The following CALB2 variants were observed in gnomAD, a reference collection of about 807,000 sequenced individuals.
CALB2 encodes the protein calretinin.
A neutral mutation model predicts 45.9 loss-of-function variants in CALB2; 34 were observed. The observed-to-expected ratio is 0.74, with a 90% CI of 0.56 to 0.99. The LOEUF (loss-of-function observed/expected upper bound fraction) is 0.99, where lower values mean the gene tolerates loss of function less well. Among genes scored for constraint, CALB2 ranks in the 50% least tolerant of loss-of-function variants. The pLI, the probability that CALB2 is intolerant of heterozygous loss-of-function variation, is 0.00. For synonymous variants in CALB2, 142 were observed against 129.6 expected (o/e 1.10, Z -0.65); for missense variants, 344 against 339.3 (o/e 1.01, Z -0.11).
intron 4 of CALB2, 112 bp downstream of exon 4, chr16:71,377,859 C>G (rs1004849664): frequency 1.4e-6 from 1 of 692,200 alleles, no homozygotes; most frequent in African/African-American, 1.8e-5. Flanking sequence ...TGCTAAACCC[C>G]TTAGAGCTCT....
At chr16:71,365,631 C>G (rs1598159713) in intron 1 of CALB2, among the ~76,000 whole-genome samples, 1 of 152,132 alleles carries the variant, frequency 6.6e-6, no homozygotes, top group South Asian at 2.1e-4. Flanking sequence ...CAAGGTGGGC[C>G]TGGGATTCTG....
chr16:71,388,024 C>T (rs1274439771), intron 10 of CALB2, among the ~76,000 whole-genome samples: 1 of 152,108 alleles, frequency 6.6e-6, no homozygotes, highest in Non-Finnish European at 1.5e-5. Context: ...CTTCAGGGCT[C>T]ATGCTTGGAT....
rs757387858 is a variant in CALB2, at chr16:71,389,923, G to C, written c.*58G>C. Reference sequence around the variant, plus strand: ...CAAACCCTGCTTCTGCTGCCCTGATGCGTCTACCCAGACTCAGAGACCGTG... The same window carrying C: ...CAAACCCTGCTTCTGCTGCCCTGATCCGTCTACCCAGACTCAGAGACCGTG... On this transcript the variant is annotated 3_prime_UTR_variant, in exon 11 of 11. Coordinates refer to ENST00000302628, the MANE Select transcript of CALB2 (RefSeq NM_001740.5). 3 of 1,224,722 alleles carry C rather than the reference G, an allele frequency of 2.4e-6. No homozygotes were observed. The highest frequency in any genetic ancestry group is 3.4e-5 in the Admixed American group (2 of 59,002). The allele number at this position is 1,224,722 out of a possible 1,614,324, so 75.9% of individuals were successfully genotyped here. A position where few individuals can be genotyped will look rare whatever the true frequency, so the allele number is the denominator to read the frequency against.
intron 1 of CALB2, among the ~76,000 whole-genome samples, chr16:71,367,366 G>A (rs2042299550): frequency 1.3e-5 from 2 of 152,174 alleles, no homozygotes; most frequent in Admixed American, 1.3e-4. Context: ...CCCGCTGCAA[G>A]AGGGTCATAG....
At chr16:71,382,259 T>C (rs996829773) in intron 4 of CALB2, among the ~76,000 whole-genome samples, 6 of 152,216 alleles carry the variant, frequency 3.9e-5, no homozygotes, top group Non-Finnish European at 7.3e-5. Context: ...TCCGGGCATC[T>C]TTGCCCCAGA....
At chr16:71,379,271 TAATAAATAAATAAATAAATA>T (rs71153630) in intron 4 of CALB2, among the ~76,000 whole-genome samples, 13 of 145,588 alleles carry the variant, frequency 8.9e-5, no homozygotes, top group East Asian at 8.2e-4. Context: ...AGACTCTGTC[TAATAAATAAATAAATAAATA>T]AATAAATAAA....
chr16:71,389,975 T>G lies in CALB2; in HGVS notation c.*110T>G. On this transcript the variant is annotated 3_prime_UTR_variant, in exon 11 of 11. Coordinates refer to ENST00000302628, the MANE Select transcript of CALB2 (RefSeq NM_001740.5). ...GCGCCCCGCCCCCACCCCTACAGCC[T>G]GCACACACCTGCCTGCAGAGCAGGA... 1.5e-6 allele frequency: 1 copy of G among 688,510 alleles called. No homozygotes were observed. The highest frequency in any genetic ancestry group is 2.6e-6 in the Non-Finnish European group (1 of 390,036). 42.7% of individuals were successfully genotyped at this position (688,510 alleles called of 1,614,324 possible).
At chr16:71,376,284 C>T (rs752110381) in intron 3 of CALB2, among the ~76,000 whole-genome samples, 1 of 152,180 alleles carries the variant, frequency 6.6e-6, no homozygotes, top group Non-Finnish European at 1.5e-5. Context: ...CCATACTTGG[C>T]CTGAGGGCCA....
At chr16:71,379,444 C>T (rs991163104) in intron 4 of CALB2, among the ~76,000 whole-genome samples, 4 of 152,098 alleles carry the variant, frequency 2.6e-5, no homozygotes, top group Non-Finnish European at 2.9e-5. Context: ...TGATATTTAA[C>T]GATTTTTTAC....
chr16:71,367,712 C>T (rs1161060817), intron 1 of CALB2, among the ~76,000 whole-genome samples: 1 of 152,230 alleles, frequency 6.6e-6, no homozygotes, highest in African/African-American at 2.4e-5. Flanking sequence ...GAGCACCAGG[C>T]ACAAAGTGGA....
In CALB2 at chr16:71,384,031, C is replaced by T; in HGVS notation, c.533+6C>T. 6.2e-7 allele frequency: 1 copy of T among 1,613,546 alleles called. No homozygotes were observed. Among genetic ancestry groups the T allele is most frequent in the Middle Eastern group, 1.7e-4 (1 of 6,058 alleles). Reference sequence around the variant, plus strand: ...GGCCTCTCAGAGATGTCCCGGTAAGCACCTCACCCCCGGGGTCACTGATAC... The same window carrying T: ...GGCCTCTCAGAGATGTCCCGGTAAGTACCTCACCCCCGGGGTCACTGATAC... On this transcript the variant is annotated splice_donor_region_variant and intron_variant, in intron 7 of 10. Transcript: ENST00000302628.
Position 71,382,725 on chromosome 16 carries a change from C to A in CALB2, c.349C>A (p.Arg117=), listed in dbSNP as rs747892011. The A allele has an allele frequency of 4.3e-6, 7 of 1,610,794 alleles. No homozygotes were observed. Among genetic ancestry groups the A allele is most frequent in the Non-Finnish European group, 5.9e-6 (7 of 1,178,698 alleles). Reference sequence around the variant, plus strand: ...GACATTCCTGTTGTTGCAGGCTTGGCGGAAGTACGACACAGACAGGAGTGG... The same window carrying A: ...GACATTCCTGTTGTTGCAGGCTTGGAGGAAGTACGACACAGACAGGAGTGG... ...GSSAEFMEAW[R]KYDTDRSGYI... The change falls in exon 5 of 11, where the codon CGG becomes AGG. Residue 117 remains arginine, a synonymous_variant. Coordinates refer to ENST00000302628, the MANE Select transcript of CALB2 (RefSeq NM_001740.5).
intron 1 of CALB2, among the ~76,000 whole-genome samples, chr16:71,367,164 C>T (rs954428528): frequency 6.6e-6 from 1 of 152,052 alleles, no homozygotes; most frequent in African/African-American, 2.4e-5. Context: ...GGTAGTGGTG[C>T]GGAATGGTAG....
intron 4 of CALB2, among the ~76,000 whole-genome samples, chr16:71,381,152 G>A (rs2042486800): frequency 6.6e-6 from 1 of 152,228 alleles, no homozygotes; most frequent in Admixed American, 6.5e-5. Flanking sequence ...CCTCTTCTCA[G>A]TAAAGACTCA....
At chr16:71,373,954 T>C (rs2042381505) in intron 2 of CALB2, among the ~76,000 whole-genome samples, 1 of 152,212 alleles carries the variant, frequency 6.6e-6, no homozygotes, top group African/African-American at 2.4e-5. Context: ...GGCCCAATCC[T>C]GGGGAGCACA....
At chr16:71,380,154 AG>A (rs1392825821) in intron 4 of CALB2, among the ~76,000 whole-genome samples, 3 of 151,904 alleles carry the variant, frequency 2.0e-5, no homozygotes, top group African/African-American at 7.3e-5. Flanking sequence ...GGCACCTTGT[AG>A]GGGGGGCAGG....
intron 4 of CALB2, among the ~76,000 whole-genome samples, chr16:71,382,162 A>AAGGAAGGAAGGAAAGAAGGAAGG (rs2042505620): frequency 1.6e-5 from 1 of 62,168 alleles, no homozygotes; most frequent in African/African-American, 5.7e-5. Flanking sequence ...GAAAGAAAAT[A>AAGGAAGGAAGGAAAGAAGGAAGG]AAGGAAGGAA....
At chr16:71,388,193 A>C (rs547290926) in intron 10 of CALB2, among the ~76,000 whole-genome samples, 3 of 152,014 alleles carry the variant, frequency 2.0e-5, no homozygotes, top group Non-Finnish European at 4.4e-5. Flanking sequence ...GAAGAACTGG[A>C]TGTAGTGGCG....
At chr16:71,369,730 A>C (rs1392428129) in intron 1 of CALB2, among the ~76,000 whole-genome samples, 1 of 151,924 alleles carries the variant, frequency 6.6e-6, no homozygotes. Context: ...AGATGCACCC[A>C]GGGCTGAGCT....
Sources: allele counts gnomAD v4.1 joint callset (sites outside exome capture counted in the v4.1 genomes callset), GRCh38; gene constraint gnomAD v4.1.1; transcripts MANE v1.5; gene names NCBI Gene and HGNC (gene_info 2026-07-23, HGNC 2026-07-21).